RNF182: variants seen among roughly 807,000 people sequenced by gnomAD.
RNF182 encodes the protein ring finger protein 182, also known as E3 ubiquitin-protein ligase RNF182.
RNF182 carries 15 observed loss-of-function variants against 14.4 expected under a neutral mutation model. That is an observed-to-expected ratio of 1.04 (90% CI 0.70 to 1.60). RNF182 has a LOEUF of 1.60. RNF182 is among the 40% of genes most tolerant of loss of function. RNF182 has a pLI of 0.00. For missense variants in RNF182, 268 were observed against 294.8 expected (o/e 0.91, Z 0.67); for synonymous variants, 128 against 122.9 (o/e 1.04, Z -0.27).
At chr6:13,966,017 G>A (rs992706654) in intron 1 of RNF182, among the ~76,000 whole-genome samples, 1 of 152,124 alleles carries the variant, frequency 6.6e-6, no homozygotes, top group African/African-American at 2.4e-5. Flanking sequence ...ACTCTCCTGA[G>A]GACGGAGCTC....
chr6:13,974,730 C>A (rs1357727457), intron 2 of RNF182, among the ~76,000 whole-genome samples: 1 of 152,146 alleles, frequency 6.6e-6, no homozygotes, highest in East Asian at 1.9e-4. Context: ...CATAAACACT[C>A]ACATGTCTAC....
chr6:13,963,838 T>C (rs568350173), intron 1 of RNF182, among the ~76,000 whole-genome samples: 74 of 152,318 alleles, frequency 4.9e-4, no homozygotes, highest in African/African-American at 1.7e-3. Flanking sequence ...AAGATCACAT[T>C]GTAGAAAGTA....
At chr6:13,947,554 A>C (rs1411040013) in intron 1 of RNF182, among the ~76,000 whole-genome samples, 1 of 152,224 alleles carries the variant, frequency 6.6e-6, no homozygotes, top group Non-Finnish European at 1.5e-5. Context: ...ATCTTAGATT[A>C]GACTTTTTAA....
intron 1 of RNF182, chr6:13,949,695 T>C (rs1045694390): frequency 5.5e-5 from 15 of 274,262 alleles, no homozygotes; most frequent in Non-Finnish European, 9.3e-5. Flanking sequence ...TTCTCAGTTA[T>C]TGAATATGTA....
chr6:13,958,057 G>GT lies in RNF182; in HGVS notation c.-366-16145dup, dbSNP rs545578338. 1.0e-3 allele frequency among the ~76,000 whole-genome samples: 158 copies of GT among 151,532 alleles called. 1 individual carries two copies. The highest frequency in any genetic ancestry group is 3.0e-3 in the African/African-American group (123 of 41,334). On this transcript the variant is annotated intron_variant, in intron 1 of 2. Coordinates refer to ENST00000488300, the MANE Select transcript of RNF182 (RefSeq NM_152737.4). ...ATGCTATGACTTATAAGTCTTTTAT[G>GT]TTTTTTTTAATGTTTATAGATTTCT...
At chr6:13,963,293 C>G (rs1759926022) in intron 1 of RNF182, among the ~76,000 whole-genome samples, 1 of 152,152 alleles carries the variant, frequency 6.6e-6, no homozygotes, top group African/African-American at 2.4e-5. Flanking sequence ...TCTAGGTAGG[C>G]ATGATACTCA....
At chr6:13,951,522 G>A (rs184189840) in intron 1 of RNF182, among the ~76,000 whole-genome samples, 1 of 152,270 alleles carries the variant, frequency 6.6e-6, no homozygotes, top group African/African-American at 2.4e-5. Context: ...CTCCCTCATA[G>A]CTGCCATTAG....
chr6:13,976,232 T>A (rs1300010605), intron 2 of RNF182, among the ~76,000 whole-genome samples: 15 of 152,246 alleles, frequency 9.9e-5, no homozygotes. Flanking sequence ...AATGCTTATA[T>A]CGGGTGTTAT....
chr6:13,931,697 G>A (rs1032969290), intron 1 of RNF182, among the ~76,000 whole-genome samples: 23 of 151,806 alleles, frequency 1.5e-4, no homozygotes, highest in African/African-American at 4.4e-4. Context: ...CAGACAGCCT[G>A]GATTTGAATA....
In RNF182 at chr6:13,977,782, G is replaced by A. The variant is rs372595185; in HGVS notation, c.663G>A (p.Ser221=). ...TCGTCTTTGTCAGCCTGGTCCCTTC[G>A]AGCCTCGTTATTCTTATGGTGTATG... ...LGVVFVSLVP[S]SLVILMVYGF... Residue 221 remains serine, a synonymous_variant, in exon 3 of 3, where the codon TCG becomes TCA. Coordinates refer to ENST00000488300, the MANE Select transcript of RNF182 (RefSeq NM_152737.4). 57 of 1,613,960 alleles carry A rather than the reference G, an allele frequency of 3.5e-5. 1 individual carries two copies. In the South Asian group the frequency reaches 5.7e-4, roughly 16 times the overall value.
intron 1 of RNF182, among the ~76,000 whole-genome samples, chr6:13,937,137 G>A (rs1246138258): frequency 6.6e-6 from 1 of 152,164 alleles, no homozygotes; most frequent in African/African-American, 2.4e-5. Context: ...TATAGACATA[G>A]GAAGCATTAC....
chr6:13,926,558 A>G (rs1243675069), intron 1 of RNF182, among the ~76,000 whole-genome samples: 1 of 152,206 alleles, frequency 6.6e-6, no homozygotes, highest in Non-Finnish European at 1.5e-5. Context: ...TTACCTGTGG[A>G]AGATTCACAG....
At chr6:13,929,164 A>T (rs418858) in intron 1 of RNF182, among the ~76,000 whole-genome samples, 1 of 152,128 alleles carries the variant, frequency 6.6e-6, no homozygotes, top group Non-Finnish European at 1.5e-5. Flanking sequence ...CAATAATAAA[A>T]TTTTTCCACA....
intron 2 of RNF182, among the ~76,000 whole-genome samples, chr6:13,975,202 T>C (rs1760293458): frequency 1.3e-5 from 2 of 152,188 alleles, no homozygotes; most frequent in Non-Finnish European, 2.9e-5. Flanking sequence ...GTTCTTTGGC[T>C]GTCATCCTGA....
chr6:13,963,273 A>G (rs966471279), intron 1 of RNF182, among the ~76,000 whole-genome samples: 10 of 152,230 alleles, frequency 6.6e-5, no homozygotes, highest in African/African-American at 2.4e-4. Flanking sequence ...CAAAGTTCAT[A>G]AAAGAGTCTT....
Position 13,977,650 on chromosome 6 carries a change from GTT to G in RNF182, c.533_534del (p.Phe178SerfsTer29), listed in dbSNP as rs1336908448. The G allele has an allele frequency of 6.2e-7, 1 of 1,614,192 alleles. No homozygotes were observed. Among genetic ancestry groups the G allele is most frequent in the South Asian group, 1.1e-5 (1 of 91,086 alleles). ...CTGTGTGGAACTGCACGTCCCTGCT[GTT>G]TCAGACATCCATCCGGGTGTTAGTG... Reference protein sequence around the residue: ...WTVWNCTSLLFQTSIRVLVWL... With the variant: ...WTVWNCTSLLXQTSIRVLVWL... On this transcript the variant is annotated frameshift_variant, in exon 3 of 3. Transcript: ENST00000488300. LOFTEE classifies it high-confidence loss of function.
chr6:13,960,327 A>C (rs1759836073), intron 1 of RNF182, among the ~76,000 whole-genome samples: 1 of 152,182 alleles, frequency 6.6e-6, no homozygotes, highest in South Asian at 2.1e-4. Flanking sequence ...AGAGGGCTAC[A>C]TCATGAGTCC....
At chr6:13,930,314 C>T (rs1239333102) in intron 1 of RNF182, among the ~76,000 whole-genome samples, 1 of 152,166 alleles carries the variant, frequency 6.6e-6, no homozygotes, top group Admixed American at 6.5e-5. Flanking sequence ...ATTTTGGTAT[C>T]CTTGGGGGTC....
At chr6:13,974,184 C>T (rs1760267567) in intron 1 of RNF182, 26 bp from the exon 2 acceptor site, 1 of 151,726 alleles carries the variant, frequency 6.6e-6, no homozygotes, top group Non-Finnish European at 1.5e-5. Flanking sequence ...GAGGAACAAT[C>T]ACCATGCTCT....
Sources: allele counts gnomAD v4.1 joint callset (sites outside exome capture counted in the v4.1 genomes callset), GRCh38; gene constraint gnomAD v4.1.1; transcripts MANE v1.5; gene names NCBI Gene and HGNC (gene_info 2026-07-23, HGNC 2026-07-21).